GRID2: variants seen among roughly 807,000 people sequenced by gnomAD.
GRID2 encodes the protein glutamate ionotropic receptor delta type subunit 2.
In GRID2, 33 loss-of-function variants were observed where a neutral mutation model predicts 114.8. The ratio of observed to expected loss-of-function variants is 0.29; its 90% CI spans 0.22 to 0.38. The LOEUF is 0.38. GRID2 is among the 10% of genes least tolerant of loss of function. The probability of loss-of-function intolerance (pLI) is 1.00; values close to 1 mark genes in which losing one functional copy is unlikely to be tolerated. For synonymous variants in GRID2, 505 were observed against 449.9 expected (o/e 1.12, Z -1.55); for missense variants, 1,184 against 1,257.7 (o/e 0.94, Z 0.89).
At chr4:93,722,687 A>G (rs1041326981) in intron 14 of GRID2, among the ~76,000 whole-genome samples, 2 of 152,180 alleles carry the variant, frequency 1.3e-5, no homozygotes, top group East Asian at 3.8e-4. Context: ...TTCTCTCTGG[A>G]CGGACTTGCA....
chr4:93,767,924 G>A (rs1227067167), intron 14 of GRID2, among the ~76,000 whole-genome samples: 1 of 152,122 alleles, frequency 6.6e-6, no homozygotes, highest in Non-Finnish European at 1.5e-5. Flanking sequence ...TATATTCTAT[G>A]TTCTTATCTG....
chr4:93,802,230 C>T (rs933487944), intron 1 of GRID2, among the ~76,000 whole-genome samples: 3 of 152,154 alleles, frequency 2.0e-5, no homozygotes, highest in Admixed American at 2.0e-4. Context: ...GAGAAAGGGG[C>T]CAGGCAAAGT....
chr4:92,856,773 C>T (rs1560643583), intron 2 of GRID2, among the ~76,000 whole-genome samples: 1 of 152,160 alleles, frequency 6.6e-6, no homozygotes, highest in Non-Finnish European at 1.5e-5. Flanking sequence ...TATGTACGGA[C>T]ATTGTTAACT....
chr4:93,178,458 G>A (rs1739572100), intron 4 of GRID2, among the ~76,000 whole-genome samples: 2 of 118,286 alleles, frequency 1.7e-5, no homozygotes, highest in African/African-American at 6.5e-5. Context: ...GTACAGTGAT[G>A]CAATCACAGC....
rs149792840 is a variant in GRID2, at chr4:93,288,214, C to G, written c.1245+49724C>G. On this transcript the variant is annotated intron_variant, in intron 8 of 15. Coordinates refer to ENST00000282020, the MANE Select transcript of GRID2 (RefSeq NM_001510.4). The stretch of plus-strand genomic sequence containing the variant: ...GAGACAGAGATACAGGCATCAACAG[C>G]TTGAAATTATCATTGTTTCCAGTAA... Among the ~76,000 whole-genome samples the G allele has an allele frequency of 2.5e-3, 374 of 152,272 alleles. 1 individual carries two copies. The highest frequency in any genetic ancestry group is 8.1e-3 in the African/African-American group (337 of 41,556).
chr4:93,309,684 A>C (rs2149184482), intron 8 of GRID2, among the ~76,000 whole-genome samples: 1 of 152,316 alleles, frequency 6.6e-6, no homozygotes, highest in South Asian at 2.1e-4. Flanking sequence ...ATAAAGCACT[A>C]GCTTTTGAAA....
chr4:92,453,868 A>C (rs1721074393), intron 1 of GRID2, among the ~76,000 whole-genome samples: 1 of 152,202 alleles, frequency 6.6e-6, no homozygotes, highest in Non-Finnish European at 1.5e-5. Context: ...CTGTCCTTAA[A>C]AACTTAAGAC....
chr4:92,445,747 TA>T (rs1348482802), intron 1 of GRID2, among the ~76,000 whole-genome samples: 1 of 152,164 alleles, frequency 6.6e-6, no homozygotes, highest in Non-Finnish European at 1.5e-5. Context: ...CTATCTTAGG[TA>T]GGCTGCATTT....
At chr4:93,682,055 A>C (rs1235280621) in intron 14 of GRID2, among the ~76,000 whole-genome samples, 4 of 151,760 alleles carry the variant, frequency 2.6e-5, no homozygotes, top group Admixed American at 2.6e-4. Context: ...AATATCCAGA[A>C]TCTACAATGA....
intron 10 of GRID2, among the ~76,000 whole-genome samples, chr4:93,447,858 G>T (rs142052754): frequency 1.3e-5 from 2 of 151,778 alleles, no homozygotes; most frequent in Non-Finnish European, 2.9e-5. Context: ...TTTAGTAGTG[G>T]TAATAAAAAT....
intron 2 of GRID2, among the ~76,000 whole-genome samples, chr4:92,649,528 A>G (rs12644879): frequency 0.048 from 7,294 of 151,854 alleles, 236 homozygotes; most frequent in East Asian, 0.1. Context: ...TCTTCCAGAA[A>G]CATTCTCACA....
At chr4:92,506,885 AT>A (rs1560677267) in intron 1 of GRID2, among the ~76,000 whole-genome samples, 1 of 151,528 alleles carries the variant, frequency 6.6e-6, no homozygotes, top group Non-Finnish European at 1.5e-5. Context: ...AAAATCTTTC[AT>A]TTTTTCTAAT....
intron 13 of GRID2, among the ~76,000 whole-genome samples, chr4:93,586,553 C>T (rs1025394983): frequency 1.3e-5 from 2 of 152,092 alleles, no homozygotes; most frequent in African/African-American, 4.8e-5. Flanking sequence ...ACTTGACATA[C>T]ATATATTTGC....
chr4:92,501,009 G>A (rs557667230), intron 1 of GRID2, among the ~76,000 whole-genome samples: 34 of 152,088 alleles, frequency 2.2e-4, no homozygotes, highest in African/African-American at 7.0e-4. Context: ...CCAGAGTTAC[G>A]TGCTATTTTT....
At chr4:93,474,401 A>T (rs1725124360) in intron 11 of GRID2, among the ~76,000 whole-genome samples, 1 of 152,074 alleles carries the variant, frequency 6.6e-6, no homozygotes, top group African/African-American at 2.4e-5. Context: ...TTTTAAGTTG[A>T]CTGCTTTTTA....
intron 2 of GRID2, among the ~76,000 whole-genome samples, chr4:92,634,292 T>C (rs4693300): frequency 6.6e-5 from 10 of 152,142 alleles, no homozygotes; most frequent in African/African-American, 1.9e-4. Context: ...ATTTGAACTT[T>C]TAATGTTTTC....
At chr4:93,402,914 G>T (rs1766036709) in intron 9 of GRID2, among the ~76,000 whole-genome samples, 2 of 152,104 alleles carry the variant, frequency 1.3e-5, no homozygotes, top group Admixed American at 6.6e-5. Context: ...TTGTCCAAGT[G>T]TTTGCTACTT....
intron 2 of GRID2, among the ~76,000 whole-genome samples, chr4:92,602,203 T>TAAAAA (rs548267650): frequency 1.0e-5 from 1 of 95,662 alleles, no homozygotes; most frequent in African/African-American, 3.9e-5. Context: ...GCCAGAGATT[T>TAAAAA]AAAAAAAAAA....
At chr4:93,160,684 A>T (rs1011930358) in intron 4 of GRID2, among the ~76,000 whole-genome samples, 1 of 151,756 alleles carries the variant, frequency 6.6e-6, no homozygotes, top group Non-Finnish European at 1.5e-5. Context: ...CTTTAATGGG[A>T]TAAAATATGG....
Sources: gnomAD v4.1 joint callset for allele counts (sites outside exome capture counted in the v4.1 genomes callset) on GRCh38, gnomAD v4.1.1 for gene constraint, MANE v1.5 for transcripts, NCBI Gene and HGNC (gene_info 2026-07-23, HGNC 2026-07-21) for gene names.